The following ZFPM1 variants were observed in gnomAD, a reference collection of about 807,000 sequenced individuals.
ZFPM1 encodes the protein zinc finger protein, FOG family member 1.
A neutral mutation model predicts 46.3 loss-of-function variants in ZFPM1; 28 were observed. The ratio of observed to expected loss-of-function variants is 0.60; its 90% CI spans 0.45 to 0.83. ZFPM1 has a LOEUF of 0.83. Among genes scored for constraint, ZFPM1 ranks in the 40% least tolerant of loss-of-function variants. The pLI is 0.00. For synonymous variants in ZFPM1, 957 were observed against 675.9 expected (o/e 1.42, Z -6.45); for missense variants, 1,878 against 1,432.4 (o/e 1.31, Z -5.02).
intron 1 of ZFPM1, among the ~76,000 whole-genome samples, chr16:88,457,577 G>A (rs999029762): frequency 7.9e-5 from 12 of 152,154 alleles, no homozygotes; most frequent in Admixed American, 6.5e-4. Context: ...CTTAGGCTGC[G>A]AAGCCATCAT....
At position 88,503,861 on chromosome 16, in the gene ZFPM1, C is replaced by G. The variant is rs80123077; in HGVS notation, c.269-10526C>G. On this transcript the variant is annotated intron_variant, in intron 3 of 9. Transcript: ENST00000319555. The stretch of plus-strand genomic sequence containing the variant: ...GCCTCAGTCTCCCCCTGGTTAGCAC[C>G]TCCTCTGTGGAGGTGACGAGCCTGA... Among the ~76,000 whole-genome samples the G allele has an allele frequency of 8.4e-3, 1,283 of 152,222 alleles. 14 individuals are homozygous for G. Among genetic ancestry groups the G allele is most frequent in the African/African-American group, 0.03 (1,233 of 41,530 alleles).
rs1907885083 is a variant in ZFPM1, at chr16:88,461,408, G to C, written c.40+7730G>C. On this transcript the variant is annotated intron_variant, in intron 1 of 9. Transcript: ENST00000319555. ...GTGGTTGCCGGCCTTCAGCTCTGGA[G>C]AGGGAGGTGACCAGTCTGGGGACCG... 2.0e-5 allele frequency among the ~76,000 whole-genome samples: 3 copies of C among 152,172 alleles called. No individual in the cohort carries two copies. The South Asian group carries it at 6.2e-4, about 31-fold the overall frequency.
At chr16:88,508,296 CA>C (rs368950141) in intron 3 of ZFPM1, among the ~76,000 whole-genome samples, 53 of 151,026 alleles carry the variant, frequency 3.5e-4, no homozygotes, top group African/African-American at 1.3e-3. Flanking sequence ...GATTCTGTCT[CA>C]AAAAAAAAGA....
At chr16:88,479,551 C>G (rs941167722) in intron 1 of ZFPM1, among the ~76,000 whole-genome samples, 1 of 152,134 alleles carries the variant, frequency 6.6e-6, no homozygotes, top group Non-Finnish European at 1.5e-5. Flanking sequence ...CCCGTCTCCT[C>G]TCTGTCCCCA....
chr16:88,484,930 C>G (rs550623401), intron 1 of ZFPM1, among the ~76,000 whole-genome samples: 1 of 152,206 alleles, frequency 6.6e-6, no homozygotes. Context: ...TCCCCCACCC[C>G]GATGTGTGAG....
At chr16:88,478,906 T>C (rs1567531732) in intron 1 of ZFPM1, among the ~76,000 whole-genome samples, 2 of 152,168 alleles carry the variant, frequency 1.3e-5, no homozygotes, top group East Asian at 3.9e-4. Flanking sequence ...CCCGGGGGCC[T>C]GGACCCCACA....
intron 4 of ZFPM1, chr16:88,516,380 G>A (rs557962881): frequency 8.5e-5 from 34 of 397,760 alleles, no homozygotes; most frequent in African/African-American, 2.7e-4. Flanking sequence ...ATACGGGCAC[G>A]GGGTTAGAAA....
At chr16:88,454,992 A>G (rs1357561270) in intron 1 of ZFPM1, among the ~76,000 whole-genome samples, 3 of 152,146 alleles carry the variant, frequency 2.0e-5, no homozygotes, top group Non-Finnish European at 4.4e-5. Context: ...CAACTCCCTC[A>G]GCGCAAACGG....
At chr16:88,483,196 G>C (rs983673883) in intron 1 of ZFPM1, among the ~76,000 whole-genome samples, 9 of 152,088 alleles carry the variant, frequency 5.9e-5, no homozygotes, top group African/African-American at 2.2e-4. Context: ...GTCCCAGCTA[G>C]AGCCCCAAAG....
At chr16:88,456,034 G>T (rs1907544518) in intron 1 of ZFPM1, among the ~76,000 whole-genome samples, 1 of 152,252 alleles carries the variant, frequency 6.6e-6, no homozygotes, top group African/African-American at 2.4e-5. Context: ...AGAACAGCGC[G>T]GGGGCGCCGC....
chr16:88,490,426 C>T (rs569905490), intron 3 of ZFPM1, among the ~76,000 whole-genome samples: 3 of 152,350 alleles, frequency 2.0e-5, no homozygotes, highest in African/African-American at 4.8e-5. Flanking sequence ...AGCGCGCAAG[C>T]GGCCGTAATG....
rs187612146 is a variant in ZFPM1 at position 88,522,523 on chromosome 16, C to A, written c.403-4291C>A. Among the ~76,000 whole-genome samples the A allele has an allele frequency of 1.5e-3, 236 of 152,370 alleles. 1 individual carries two copies. Among genetic ancestry groups the A allele is most frequent in the African/African-American group, 5.5e-3 (230 of 41,582 alleles). On this transcript the variant is annotated intron_variant, in intron 4 of 9. Coordinates refer to ENST00000319555, the MANE Select transcript of ZFPM1 (RefSeq NM_153813.3). The stretch of plus-strand genomic sequence containing the variant: ...GCCACCCCAGCAGCCCTGCAAGCTG[C>A]TTCAGAGCTTCACAGCGAGGTTTGG...
At chr16:88,523,519 C>T (rs1912063712) in intron 4 of ZFPM1, among the ~76,000 whole-genome samples, 2 of 152,092 alleles carry the variant, frequency 1.3e-5, no homozygotes, top group African/African-American at 2.4e-5. Context: ...CCGGGCAAGA[C>T]CCTGGTTCAG....
intron 1 of ZFPM1, among the ~76,000 whole-genome samples, chr16:88,456,641 C>G (rs1204839391): frequency 6.6e-6 from 1 of 152,162 alleles, no homozygotes; most frequent in Non-Finnish European, 1.5e-5. Context: ...GTAGGGCTGG[C>G]CTCAGTTTTC....
At chr16:88,461,636 C>T (rs145176128) in intron 1 of ZFPM1, among the ~76,000 whole-genome samples, 5 of 152,188 alleles carry the variant, frequency 3.3e-5, no homozygotes, top group East Asian at 3.9e-4. Context: ...CTGGAGCTGC[C>T]GGTTGCATTA....
At chr16:88,492,056 T>C (rs1036877485) in intron 3 of ZFPM1, among the ~76,000 whole-genome samples, 8 of 152,214 alleles carry the variant, frequency 5.3e-5, no homozygotes, top group Non-Finnish European at 1.0e-4. Flanking sequence ...CCAGACCCTC[T>C]CTCTGATGCT....
At chr16:88,460,915 CGAGGG>C (rs1567525293) in intron 1 of ZFPM1, among the ~76,000 whole-genome samples, 8 of 89,492 alleles carry the variant, frequency 8.9e-5, no homozygotes, top group East Asian at 4.1e-4. Context: ...TGGTGAGGAC[CGAGGG>C]GCGGGGCGGG....
chr16:88,454,225 C>G (rs1907432102), intron 1 of ZFPM1, among the ~76,000 whole-genome samples: 1 of 152,152 alleles, frequency 6.6e-6, no homozygotes, highest in Non-Finnish European at 1.5e-5. Context: ...CCGGCCCGCG[C>G]CCACCCCCAC....
rs754132212 is a variant in ZFPM1 at position 88,534,010 on chromosome 16, G to A, written c.2052G>A (p.Leu684=). The A allele has an allele frequency of 2.2e-5, 31 of 1,381,608 alleles. No homozygotes were observed. In the African/African-American group the frequency reaches 3.1e-4, roughly 14 times the overall value. The allele number at this position is 1,381,608 out of a possible 1,614,324, so 85.6% of individuals were successfully genotyped here. Residue 684 remains leucine, a synonymous_variant, in exon 10 of 10, where the codon CTG becomes CTA. Coordinates refer to ENST00000319555, the MANE Select transcript of ZFPM1 (RefSeq NM_153813.3). ...DDAEDDPSRT[L]CEACNIRFSR... is the part of the protein sequence containing the mutation. ...CGGAGGACGACCCCAGCCGCACGCT[G>A]TGCGAGGCCTGCAACATCCGCTTCA...
Sources: allele counts gnomAD v4.1 joint callset (sites outside exome capture counted in the v4.1 genomes callset), GRCh38; gene constraint gnomAD v4.1.1; transcripts MANE v1.5; gene names NCBI Gene and HGNC (gene_info 2026-07-23, HGNC 2026-07-21).